UBE4A: variants seen among roughly 807,000 people sequenced by gnomAD.
UBE4A encodes ubiquitin conjugation factor E4 A.
A neutral mutation model predicts 117.9 loss-of-function variants in UBE4A; 48 were observed. That is an observed-to-expected ratio of 0.41 (90% CI 0.32 to 0.52). UBE4A has a LOEUF of 0.52. UBE4A is among the 20% of genes least tolerant of loss of function. The pLI is 0.33. For synonymous variants in UBE4A, 407 were observed against 450.0 expected (o/e 0.90, Z 1.21); for missense variants, 1,067 against 1,296.3 (o/e 0.82, Z 2.72).
intron 12 of UBE4A, 71 bp from the exon 13 acceptor site, chr11:118,382,518 T>G: frequency 7.9e-7 from 1 of 1,272,586 alleles, no homozygotes; most frequent in Non-Finnish European, 1.0e-6. Context: ...TTGATTCTTA[T>G]GTGGAGAGAA....
chr11:118,381,246 T>C, intron 11 of UBE4A, 145 bp from the exon 12 acceptor site: 1 of 925,960 alleles, frequency 1.1e-6, no homozygotes, highest in Non-Finnish European at 1.6e-6. Context: ...TTACATTTAT[T>C]GACTTAACGA....
At chr11:118,364,898 T>C (rs1177801173) in intron 1 of UBE4A, 142 bp from the exon 2 acceptor site, 2 of 834,728 alleles carry the variant, frequency 2.4e-6, no homozygotes, top group Non-Finnish European at 3.3e-6. Context: ...TGTCTTGAGT[T>C]TGGGGACAGG....
At chr11:118,395,450 A>ATG (rs1948861926) in intron 19 of UBE4A, among the ~76,000 whole-genome samples, 2 of 152,226 alleles carry the variant, frequency 1.3e-5, no homozygotes, top group Non-Finnish European at 2.9e-5. Flanking sequence ...ACAAGAACTT[A>ATG]TGTATAGGCC....
chr11:118,387,769 C>G (rs1555127481), intron 16 of UBE4A, among the ~76,000 whole-genome samples: 1 of 152,156 alleles, frequency 6.6e-6, no homozygotes, highest in East Asian at 1.9e-4. Flanking sequence ...CCAACAGTGT[C>G]ATTTGAAGCT....
intron 13 of UBE4A, among the ~76,000 whole-genome samples, 163 bp downstream of exon 13, chr11:118,382,939 T>G (rs1948719275): frequency 6.6e-6 from 1 of 151,946 alleles, no homozygotes; most frequent in African/African-American, 2.4e-5. Context: ...TTTTTTAACA[T>G]TATCCCATTG....
At chr11:118,390,952 T>C in intron 18 of UBE4A, 148 bp downstream of exon 18, 1 of 967,982 alleles carries the variant, frequency 1.0e-6, no homozygotes, top group Non-Finnish European at 1.5e-6. Flanking sequence ...CAGTGTGCTA[T>C]GATCATGCCT....
rs1948623773 is a variant in UBE4A at position 118,373,234 on chromosome 11, G to A, written c.870G>A (p.Leu290=). Residue 290 remains leucine (L), a synonymous_variant, in exon 7 of 20, where the codon TTG becomes TTA. Transcript: ENST00000252108. The stretch of plus-strand genomic sequence containing the variant: ...ATCTAGAGCTCTGTCAGATCCTTTT[G>A]TATGCATATCTGGATATTCTTCTCT... ...IKDLELCQIL[L]YAYLDILLYF... The A allele has an allele frequency of 6.2e-7, 1 of 1,613,596 alleles. No individual in the cohort carries two copies. The highest frequency in any genetic ancestry group is 8.5e-7 in the Non-Finnish European group (1 of 1,179,994).
rs1182784926 is a variant in UBE4A, at chr11:118,396,490, ATTGT to A, written c.*55_*58del. The A allele has an allele frequency of 6.4e-7, 1 of 1,564,660 alleles. No homozygotes were observed. Among genetic ancestry groups the A allele is most frequent in the Non-Finnish European group, 8.6e-7 (1 of 1,160,098 alleles). ...ACCAACCCCAGAGTGCAGATAAACA[ATTGT>A]TTGTGGTTTCTCTCTTTCTGGTTCT... On this transcript the variant is annotated 3_prime_UTR_variant, in exon 20 of 20. Transcript: ENST00000252108.
chr11:118,371,475 T>C (rs775164028), intron 4 of UBE4A, 39 bp from the exon 5 acceptor site: 2 of 1,573,728 alleles, frequency 1.3e-6, no homozygotes, highest in Non-Finnish European at 1.7e-6. Context: ...CAGATTAATT[T>C]TGCAATAGTT....
intron 1 of UBE4A, among the ~76,000 whole-genome samples, chr11:118,361,184 G>T (rs1280874184): frequency 1.3e-5 from 2 of 151,718 alleles, no homozygotes; most frequent in Non-Finnish European, 2.9e-5. Flanking sequence ...GGTGGTATGC[G>T]CCTGTAATCG....
chr11:118,377,280 T>C (rs979233182), intron 10 of UBE4A, among the ~76,000 whole-genome samples: 3 of 152,220 alleles, frequency 2.0e-5, no homozygotes, highest in African/African-American at 4.8e-5. Flanking sequence ...CATTCTCTGC[T>C]CACTGCAACC....
intron 16 of UBE4A, among the ~76,000 whole-genome samples, chr11:118,388,400 C>T (rs1948779299): frequency 6.6e-6 from 1 of 151,704 alleles, no homozygotes; most frequent in Non-Finnish European, 1.5e-5. Flanking sequence ...CCTGTAATCC[C>T]AGCACTTTGG....
At chr11:118,395,826 G>A (rs367836466) in intron 19 of UBE4A, among the ~76,000 whole-genome samples, 9 of 152,134 alleles carry the variant, frequency 5.9e-5, no homozygotes, top group Admixed American at 2.6e-4. Context: ...TAATCCCAGC[G>A]CACTTTGGGA....
rs1395072785 is a variant in UBE4A at position 118,398,733 on chromosome 11, A to G, written c.*2293A>G. ...TCAGCTCTGGTATTGCTCATAACTTACCAAGAGGCTAATACTAAACTTGGA... is the reference window on the plus strand; with the variant it reads ...TCAGCTCTGGTATTGCTCATAACTTGCCAAGAGGCTAATACTAAACTTGGA... On this transcript the variant is annotated 3_prime_UTR_variant, in exon 20 of 20. Coordinates refer to ENST00000252108, the MANE Select transcript of UBE4A (RefSeq NM_001204077.2). 6.0e-6 allele frequency: 1 copy of G among 165,318 alleles called. No individual in the cohort carries two copies. The highest frequency in any genetic ancestry group is 2.4e-5 in the African/African-American group (1 of 41,676). 10.2% of individuals were successfully genotyped at this position (165,318 alleles called of 1,614,324 possible).
intron 2 of UBE4A, among the ~76,000 whole-genome samples, chr11:118,368,165 A>G (rs1418140570): frequency 2.0e-5 from 3 of 152,212 alleles, no homozygotes; most frequent in African/African-American, 7.2e-5. Flanking sequence ...TAGCACCAGA[A>G]AAGAAAAAAA....
In UBE4A at chr11:118,372,568, C is replaced by T; in HGVS notation, c.623C>T (p.Ser208Phe). ...FAVQCRNLTV[S>F]NTRTVLLTPE... Reference sequence around the variant, plus strand: ...GTGCAGTGCAGAAACCTCACTGTGTCCAATACCCGAACAGTTCTTCTCACC... The same window carrying T: ...GTGCAGTGCAGAAACCTCACTGTGTTCAATACCCGAACAGTTCTTCTCACC... Residue 208 changes from serine (S) to phenylalanine (F), a missense_variant, in exon 6 of 20, where the codon TCC (serine) becomes TTC (phenylalanine). By Grantham distance (155) the Ser-to-Phe change is radical. Around this residue, in one of 3 missense-constraint regions of UBE4A, gnomAD observed 1,001 missense variants for 1,184.0 expected, o/e 0.85. Transcript: ENST00000252108. 1 of 1,614,118 alleles carries T rather than the reference C, an allele frequency of 6.2e-7. No individual in the cohort carries two copies. Among genetic ancestry groups the T allele is most frequent in the Non-Finnish European group, 8.5e-7 (1 of 1,180,032 alleles).
chr11:118,368,563 AT>A (rs1948583256), intron 2 of UBE4A, 67 bp from the exon 3 acceptor site: 1 of 1,499,106 alleles, frequency 6.7e-7, no homozygotes, highest in Non-Finnish European at 9.2e-7. Flanking sequence ...TACATTTATT[AT>A]TTTTGGTAGC....
chr11:118,371,557 T>C lies in UBE4A; in HGVS notation c.452T>C (p.Leu151Ser). The C allele has an allele frequency of 1.2e-6, 2 of 1,614,036 alleles. No homozygotes were observed. The highest frequency in any genetic ancestry group is 1.7e-6 in the Non-Finnish European group (2 of 1,179,984). ...TTACTTCAAGATCCAGGCAACCACT[T>C]AATTAACATGACTTCTTCTACAACG... ...RLLLQDPGNHLINMTSSTTLN... is the reference protein window; with the variant it reads ...RLLLQDPGNHSINMTSSTTLN... The change falls in exon 5 of 20, where the codon TTA becomes TCA. Residue 151 changes from leucine (L) to serine (S), a missense_variant. Leu to Ser is a moderately radical substitution (Grantham distance 145). Coordinates refer to ENST00000252108, the MANE Select transcript of UBE4A (RefSeq NM_001204077.2).
intron 15 of UBE4A, 103 bp downstream of exon 15, chr11:118,385,048 C>T: frequency 1.9e-6 from 2 of 1,034,696 alleles, no homozygotes; most frequent in Non-Finnish European, 2.8e-6. Context: ...GTCCTTATGC[C>T]CCTAGTACCA....
Sources: allele counts gnomAD v4.1 joint callset (sites outside exome capture counted in the v4.1 genomes callset), GRCh38; gene constraint gnomAD v4.1.1; regional missense constraint gnomAD v4.1.1; transcripts MANE v1.5; gene names NCBI Gene and HGNC (gene_info 2026-07-23, HGNC 2026-07-21).